The following TTC7B variants were observed in gnomAD, a reference collection of about 807,000 sequenced individuals.
TTC7B encodes tetratricopeptide repeat domain 7B.
Under a neutral mutation model 106.8 loss-of-function variants are expected in TTC7B, and 28 were observed. That is an observed-to-expected ratio of 0.26 (90% CI 0.19 to 0.36). TTC7B has a LOEUF of 0.36. Among genes scored for constraint, TTC7B ranks in the 10% least tolerant of loss-of-function variants. The pLI is 1.00. For missense variants in TTC7B, 862 were observed against 1,076.4 expected (o/e 0.80, Z 2.79); for synonymous variants, 405 against 430.6 (o/e 0.94, Z 0.74).
At chr14:90,687,046 G>A (rs1209264830) in intron 7 of TTC7B, among the ~76,000 whole-genome samples, 1 of 151,344 alleles carries the variant, frequency 6.6e-6, no homozygotes, top group Non-Finnish European at 1.5e-5. Flanking sequence ...GAAATGCAAG[G>A]GCTTGGGAGA....
intron 9 of TTC7B, among the ~76,000 whole-genome samples, chr14:90,659,744 A>G (rs1206078644): frequency 1.3e-5 from 2 of 152,178 alleles, no homozygotes; most frequent in Non-Finnish European, 2.9e-5. Context: ...CCAATAAGCA[A>G]AGAAAAGATG....
At chr14:90,559,077 C>T (rs916861723) in intron 19 of TTC7B, among the ~76,000 whole-genome samples, 4 of 152,224 alleles carry the variant, frequency 2.6e-5, no homozygotes, top group African/African-American at 9.6e-5. Context: ...AAGAATAGAG[C>T]CATTTCCTCA....
Position 90,663,566 on chromosome 14 carries a change from G to A in TTC7B, c.1153-5179C>T, listed in dbSNP as rs757522922. 1.3e-5 allele frequency among the ~76,000 whole-genome samples: 2 copies of A among 152,028 alleles called. No individual in the cohort carries two copies. The highest frequency in any genetic ancestry group is 2.1e-4 in the South Asian group (1 of 4,814). ...ATCCCACGATATCCACCAGCACCAC[G>A]GCAGCCAGTGGTGCCACGTCTCCAG... is the stretch of plus-strand genomic sequence containing the variant. On this transcript the variant is annotated intron_variant, in intron 9 of 19. Transcript: ENST00000328459. This position sits in a 1 kb window ranked among gnomAD's most constrained non-coding sequence, Gnocchi z 4.5.
rs779544238 is a variant in TTC7B, at chr14:90,695,559, C to T, written c.718G>A (p.Gly240Arg). 1.8e-5 allele frequency: 28 copies of T among 1,596,938 alleles called. No homozygotes were observed. The highest frequency in any genetic ancestry group is 2.7e-5 in the African/African-American group (2 of 74,320). ...FKNGNLTRGV[G>R]RFRELLRAVE... ...GCTCTGAGAAGCTCTCTAAATCTTCCGACTCCTCTTGTCAAGTTCCTGTGT... is the reference window on the plus strand; with the variant it reads ...GCTCTGAGAAGCTCTCTAAATCTTCTGACTCCTCTTGTCAAGTTCCTGTGT... Residue 240 changes from glycine (G) to arginine (R), a missense_variant, in exon 6 of 20, where the codon GGA becomes AGA. By Grantham distance (125) the Gly-to-Arg change is moderately radical (BLOSUM62 -2). Transcript: ENST00000328459.
At chr14:90,667,041 T>C (rs1274312397) in intron 9 of TTC7B, among the ~76,000 whole-genome samples, 4 of 152,224 alleles carry the variant, frequency 2.6e-5, no homozygotes, top group Admixed American at 2.6e-4. Flanking sequence ...ATTCCTCCTG[T>C]CTCCTCAATT....
At position 90,758,374 on chromosome 14, in the gene TTC7B, C is replaced by T. The variant is rs1049854235; in HGVS notation, c.446-13452G>A. The stretch of plus-strand genomic sequence containing the variant: ...GGCGGGGCGAGAGCGCAAGGAGGGG[C>T]GGGGCGAGACGGGGCAAGAGAGTGG... On this transcript the variant is annotated intron_variant, in intron 3 of 19. Transcript: ENST00000328459. 5.6e-5 allele frequency among the ~76,000 whole-genome samples: 6 copies of T among 106,724 alleles called. No individual in the cohort carries two copies. In the East Asian group the frequency reaches 2.0e-3, roughly 35 times the overall value. 70.0% of individuals were successfully genotyped at this position (106,724 alleles called of 152,430 possible). A position where few individuals can be genotyped will look rare whatever the true frequency, so the allele number is the denominator to read the frequency against.
At chr14:90,775,230 G>C (rs1237405561) in intron 3 of TTC7B, among the ~76,000 whole-genome samples, 1 of 152,118 alleles carries the variant, frequency 6.6e-6, no homozygotes, top group African/African-American at 2.4e-5. Context: ...CCAATCATTT[G>C]TGGTCAAACC....
chr14:90,805,201 T>C lies in TTC7B; in HGVS notation c.121+10974A>G, dbSNP rs763059902. On this transcript the variant is annotated intron_variant, in intron 1 of 19. Coordinates refer to ENST00000328459, the MANE Select transcript of TTC7B (RefSeq NM_001010854.2). This position sits in a 1 kb window ranked among gnomAD's most constrained non-coding sequence, Gnocchi z 4.0. ...ACATCAGTCCAGGGCCTCGGGCCAGTGGCTGGCACACAGTAGGTGTTCAGT... is the reference window on the plus strand; with the variant it reads ...ACATCAGTCCAGGGCCTCGGGCCAGCGGCTGGCACACAGTAGGTGTTCAGT... Among the ~76,000 whole-genome samples the C allele has an allele frequency of 9.9e-5, 15 of 152,108 alleles. No individual in the cohort carries two copies. The highest frequency in any genetic ancestry group is 1.9e-4 in the Non-Finnish European group (13 of 68,016).
At chr14:90,790,429 A>G (rs1487585505) in intron 1 of TTC7B, among the ~76,000 whole-genome samples, 1 of 152,218 alleles carries the variant, frequency 6.6e-6, no homozygotes, top group Non-Finnish European at 1.5e-5. Context: ...TCCAAAAAAC[A>G]AAATAAAATA....
Position 90,541,159 on chromosome 14 carries a change from A to T in TTC7B, c.*209T>A. 2.1e-6 allele frequency: 1 copy of T among 486,704 alleles called. No homozygotes were observed. 30.1% of individuals were successfully genotyped at this position (486,704 alleles called of 1,614,324 possible). A position where few individuals can be genotyped will look rare whatever the true frequency, so the allele number is the denominator to read the frequency against. ...TTGAACAATGTCAATAGGTTCAGAA[A>T]CTACCATTGGGCTGGCAAAAAAAAC... is the stretch of plus-strand genomic sequence containing the variant. On this transcript the variant is annotated 3_prime_UTR_variant, in exon 20 of 20. Coordinates refer to ENST00000328459, the MANE Select transcript of TTC7B (RefSeq NM_001010854.2).
chr14:90,557,559 C>G (rs550611669), intron 19 of TTC7B, among the ~76,000 whole-genome samples: 1 of 152,250 alleles, frequency 6.6e-6, no homozygotes, highest in Admixed American at 6.5e-5. Context: ...CAGCAGCCAA[C>G]GCAGCCAGGG....
intron 11 of TTC7B, among the ~76,000 whole-genome samples, chr14:90,655,893 C>G (rs917896577): frequency 2.6e-5 from 4 of 151,934 alleles, no homozygotes; most frequent in African/African-American, 7.3e-5. Flanking sequence ...CTATTTAAGG[C>G]ATTTCAAGAT....
intron 6 of TTC7B, among the ~76,000 whole-genome samples, chr14:90,693,581 G>T (rs1887557233): frequency 6.6e-6 from 1 of 152,136 alleles, no homozygotes; most frequent in Non-Finnish European, 1.5e-5. Flanking sequence ...TCAGGTTTCA[G>T]CAGAGAACGC....
intron 3 of TTC7B, among the ~76,000 whole-genome samples, chr14:90,775,015 C>G (rs1005788028): frequency 2.6e-5 from 4 of 151,458 alleles, no homozygotes. Flanking sequence ...TGCACTCCAG[C>G]CTGGGCAACA....
intron 4 of TTC7B, among the ~76,000 whole-genome samples, chr14:90,731,152 C>T (rs1179683395): frequency 6.6e-6 from 1 of 151,998 alleles, no homozygotes; most frequent in Non-Finnish European, 1.5e-5. Context: ...GGGGTTTCAC[C>T]ACGTTAGCCA....
intron 18 of TTC7B, among the ~76,000 whole-genome samples, chr14:90,581,873 G>A (rs989937529): frequency 8.5e-5 from 13 of 152,120 alleles, no homozygotes; most frequent in Admixed American, 3.3e-4. Context: ...CTCCCTTCAC[G>A]TGATGGGGAA....
At chr14:90,604,134 C>T (rs777320914) in intron 17 of TTC7B, among the ~76,000 whole-genome samples, 6 of 152,052 alleles carry the variant, frequency 3.9e-5, no homozygotes, top group South Asian at 2.1e-4. Flanking sequence ...ATGAAAAATA[C>T]GGGCAGGTGG....
chr14:90,565,622 G>C (rs1052284327), intron 19 of TTC7B, among the ~76,000 whole-genome samples: 1 of 151,850 alleles, frequency 6.6e-6, no homozygotes, highest in African/African-American at 2.4e-5. Context: ...GGATGGTCTC[G>C]ATCTCCTGAC....
chr14:90,541,452 C>A lies in TTC7B; in HGVS notation c.2448G>T (p.Ala816=). 14 of 1,613,882 alleles carry A rather than the reference C, an allele frequency of 8.7e-6. No homozygotes were observed. Among genetic ancestry groups the A allele is most frequent in the Non-Finnish European group, 1.2e-5 (14 of 1,179,970 alleles). ...EVLQAQGNDA[A]ATECFLTALE... is the part of the protein sequence containing the mutation. ...AGGCTGTCAGGAAGCACTCCGTAGCCGCCGCATCGTTGCCCTGAGCTTGGA... is the reference window on the plus strand; with the variant it reads ...AGGCTGTCAGGAAGCACTCCGTAGCAGCCGCATCGTTGCCCTGAGCTTGGA... Residue 816 remains alanine, a synonymous_variant, in exon 20 of 20, where the codon GCG becomes GCT. Transcript: ENST00000328459.
Sources: allele counts gnomAD v4.1 joint callset (sites outside exome capture counted in the v4.1 genomes callset), GRCh38; gene constraint gnomAD v4.1.1; non-coding constraint Gnocchi (gnomAD v3.1); transcripts MANE v1.5; gene names NCBI Gene and HGNC (gene_info 2026-07-23, HGNC 2026-07-21).